ACSS1: variants seen among roughly 807,000 people sequenced by gnomAD.
ACSS1 encodes the protein acetyl-coenzyme A synthetase 2-like, mitochondrial.
ACSS1 carries 42 observed loss-of-function variants against 75.3 expected under a neutral mutation model. The observed-to-expected ratio is 0.56, with a 90% confidence interval of 0.44 to 0.72. ACSS1 has a LOEUF of 0.72. Among genes scored for constraint, ACSS1 ranks in the 30% least tolerant of loss-of-function variants. ACSS1 has a pLI of 0.00. For synonymous variants in ACSS1, 380 were observed against 376.8 expected, an observed-to-expected ratio of 1.01 and a Z score of -0.10; for missense variants, 782 against 935.7, an observed-to-expected ratio of 0.84 and a Z score of 2.14.
intron 2 of ACSS1, among the ~76,000 whole-genome samples, chr20:25,042,618 G>A (rs1055667659): frequency 6.6e-6 from 1 of 152,132 alleles, no homozygotes; most frequent in Non-Finnish European, 1.5e-5. Context: ...TAATTAACTT[G>A]GGAGGTGAGC....
chr20:25,053,389 A>G (rs563361803), intron 1 of ACSS1, among the ~76,000 whole-genome samples: 8 of 152,070 alleles, frequency 5.3e-5, no homozygotes, highest in African/African-American at 1.9e-4. Context: ...TTTTAATAGC[A>G]ATCTTCCCTG....
intron 2 of ACSS1, chr20:25,032,683 C>T: frequency 8.4e-7 from 1 of 1,197,118 alleles, no homozygotes; most frequent in Non-Finnish European, 1.0e-6. Flanking sequence ...CTCCTCTGTT[C>T]AAAGGGTAGT....
intron 2 of ACSS1, among the ~76,000 whole-genome samples, chr20:25,033,601 T>A (rs2088863370): frequency 6.6e-6 from 1 of 152,252 alleles, no homozygotes; most frequent in Non-Finnish European, 1.5e-5. Context: ...ATTCCTGAGA[T>A]GTTAAAAATC....
At chr20:25,025,086 G>A (rs575976407) in intron 3 of ACSS1, among the ~76,000 whole-genome samples, 1 of 152,244 alleles carries the variant, frequency 6.6e-6, no homozygotes, top group Admixed American at 6.5e-5. Flanking sequence ...CAGCAGGAAG[G>A]AATGAACCTT....
chr20:25,008,060 G>C, intron 13 of ACSS1, 119 bp from the exon 14 acceptor site: 1 of 1,300,294 alleles, frequency 7.7e-7, no homozygotes, highest in Non-Finnish European at 1.0e-6. Flanking sequence ...GGGATCCACA[G>C]TGGATGTCTA....
chr20:25,056,273 T>C (rs1795779346), intron 1 of ACSS1, among the ~76,000 whole-genome samples: 1 of 152,152 alleles, frequency 6.6e-6, no homozygotes, highest in South Asian at 2.1e-4. Flanking sequence ...TCCACCTCTG[T>C]CCTTGGGCAA....
chr20:25,033,975 G>C (rs575974687), intron 2 of ACSS1, among the ~76,000 whole-genome samples: 8 of 152,354 alleles, frequency 5.3e-5, no homozygotes, highest in African/African-American at 1.9e-4. Context: ...GGGCCCAAGA[G>C]CTGAAGCAGG....
chr20:25,021,432 G>GCATT lies in ACSS1; in HGVS notation c.1064_1065insAATG (p.Thr356MetfsTer7). The GCATT allele has an allele frequency of 6.2e-7, 1 of 1,614,234 alleles. No homozygotes were observed. Among genetic ancestry groups the GCATT allele is most frequent in the South Asian group, 1.1e-5 (1 of 91,084 alleles). ...GGGTGCTCTCAAAAAGGACGCTGGT[G>GCATT]GCACCATTGCAGAGAGGCCCATACA... is the stretch of plus-strand genomic sequence containing the variant. On this transcript the variant is annotated frameshift_variant, in exon 6 of 14. Transcript: ENST00000323482. LOFTEE classifies it high-confidence loss of function.
chr20:25,056,123 G>A (rs896397697), intron 1 of ACSS1, among the ~76,000 whole-genome samples: 30 of 152,332 alleles, frequency 2.0e-4, no homozygotes, highest in Non-Finnish European at 2.2e-4. Context: ...GATCCTGACC[G>A]AGCGAGGTTC....
intron 3 of ACSS1, among the ~76,000 whole-genome samples, chr20:25,025,310 C>T (rs1041037434): frequency 6.6e-6 from 1 of 152,224 alleles, no homozygotes; most frequent in African/African-American, 2.4e-5. Context: ...TACCCAGGAG[C>T]TTCTGAGCAC....
chr20:25,048,042 C>A, intron 2 of ACSS1, 43 bp downstream of exon 2: 2 of 1,583,474 alleles, frequency 1.3e-6, no homozygotes, highest in Non-Finnish European at 1.7e-6. Flanking sequence ...CAGGACTGGG[C>A]TGGGCGCCTC....
At chr20:25,025,630 C>A (rs1600323344) in intron 3 of ACSS1, among the ~76,000 whole-genome samples, 1 of 152,160 alleles carries the variant, frequency 6.6e-6, no homozygotes, top group African/African-American at 2.4e-5. Flanking sequence ...TATCCACCTC[C>A]AGGCCATTTC....
At chr20:25,046,784 G>A (rs1409328656) in intron 2 of ACSS1, 1 of 779,444 alleles carries the variant, frequency 1.3e-6, no homozygotes, top group Non-Finnish European at 2.4e-6. Context: ...GGCCACCTGG[G>A]GGGCCGCTCA....
chr20:25,019,365 TCAACATTAC>T (rs893772744), intron 7 of ACSS1, among the ~76,000 whole-genome samples: 3 of 152,304 alleles, frequency 2.0e-5, no homozygotes, highest in African/African-American at 7.2e-5. Context: ...GCAATATCCA[TCAACATTAC>T]CAATAGGCCT....
intron 2 of ACSS1, among the ~76,000 whole-genome samples, chr20:25,047,234 G>A (rs972166213): frequency 3.9e-5 from 6 of 152,162 alleles, no homozygotes; most frequent in South Asian, 2.1e-4. Flanking sequence ...CCTGCCTGTC[G>A]GAATGCTCCT....
chr20:25,022,525 G>C (rs11698942), intron 5 of ACSS1, among the ~76,000 whole-genome samples: 1 of 152,222 alleles, frequency 6.6e-6, no homozygotes, highest in Admixed American at 6.5e-5. Flanking sequence ...CGGGGCTGTG[G>C]CCATATGGGC....
intron 6 of ACSS1, among the ~76,000 whole-genome samples, 189 bp from the exon 7 acceptor site, chr20:25,020,336 A>G (rs377081546): frequency 8.0e-5 from 12 of 150,884 alleles, no homozygotes; most frequent in African/African-American, 1.2e-4. Context: ...CAGGTCCCCA[A>G]TGGCCGCTCT....
Position 25,006,508 on chromosome 20 carries a change from G to A in ACSS1, c.*1254C>T, listed in dbSNP as rs887382478. ...CCAAGAGGCCAGCACAACCACGACC[G>A]AGTGGGTACTCAGTGGCCCAGACAC... On this transcript the variant is annotated 3_prime_UTR_variant, in exon 14 of 14. Coordinates refer to ENST00000323482, the MANE Select transcript of ACSS1 (RefSeq NM_032501.4). The A allele has an allele frequency of 4.0e-5, 10 of 247,534 alleles. No homozygotes were observed. In the East Asian group the frequency reaches 6.4e-4, roughly 16 times the overall value. The allele number at this position is 247,534 out of a possible 1,614,324, so 15.3% of individuals were successfully genotyped here. A position where few individuals can be genotyped will look rare whatever the true frequency, so the allele number is the denominator to read the frequency against.
intron 12 of ACSS1, chr20:25,011,503 G>A (rs577677338): frequency 6.6e-6 from 1 of 152,360 alleles, no homozygotes; most frequent in Non-Finnish European, 1.5e-5. Flanking sequence ...GAGGGGCCCA[G>A]GCTCCTGCCA....
Sources: allele counts gnomAD v4.1 joint callset (sites outside exome capture counted in the v4.1 genomes callset), GRCh38; gene constraint gnomAD v4.1.1; transcripts MANE v1.5; gene names NCBI Gene and HGNC (gene_info 2026-07-23, HGNC 2026-07-21).